FHIT: variants seen among roughly 807,000 people sequenced by gnomAD.
FHIT encodes the protein bis(5'-adenosyl)-triphosphatase.
In FHIT, 19 loss-of-function variants were observed where a neutral mutation model predicts 17.9. The observed-to-expected ratio is 1.06, with a 90% CI of 0.74 to 1.56. The LOEUF is 1.56. FHIT is among the 40% of genes most tolerant of loss of function. FHIT has a pLI of 0.00. For missense variants in FHIT, 248 were observed against 189.2 expected (o/e 1.31, Z -1.82); for synonymous variants, 81 against 69.7 (o/e 1.16, Z -0.81).
At chr3:60,153,120 TACCAAGC>T (rs983545125) in intron 5 of FHIT, among the ~76,000 whole-genome samples, 1 of 152,188 alleles carries the variant, frequency 6.6e-6, no homozygotes, top group African/African-American at 2.4e-5. Flanking sequence ...CGTTACAATT[TACCAAGC>T]ACCTTTATTT....
At chr3:59,841,996 A>T (rs4596100) in intron 8 of FHIT, among the ~76,000 whole-genome samples, 146,308 of 152,236 alleles carry the variant, frequency 0.96, 70,586 homozygotes, top group East Asian at 1. Flanking sequence ...ATTGCCACCA[A>T]CCATGTGCAG....
intron 5 of FHIT, among the ~76,000 whole-genome samples, chr3:60,263,189 G>C (rs1023645348): frequency 6.6e-6 from 1 of 151,916 alleles, no homozygotes; most frequent in African/African-American, 2.4e-5. Flanking sequence ...TAAAAAGACT[G>C]ACAATATCAA....
chr3:60,783,746 G>A (rs1700473022), intron 4 of FHIT, among the ~76,000 whole-genome samples: 1 of 152,138 alleles, frequency 6.6e-6, no homozygotes, highest in Non-Finnish European at 1.5e-5. Flanking sequence ...CATAAGGTTT[G>A]AAAACAAAGA....
intron 2 of FHIT, among the ~76,000 whole-genome samples, chr3:61,097,626 T>C (rs562788617): frequency 0.01 from 1,568 of 152,302 alleles, 21 homozygotes; most frequent in African/African-American, 0.034. Context: ...ACTTTTTGAC[T>C]TTTTAATAAT....
chr3:60,664,303 C>G (rs955366625), intron 4 of FHIT, among the ~76,000 whole-genome samples: 1 of 151,958 alleles, frequency 6.6e-6, no homozygotes, highest in Non-Finnish European at 1.5e-5. Flanking sequence ...TTGAACCAAC[C>G]TTACATACCT....
chr3:59,845,007 A>G (rs565146811), intron 8 of FHIT, among the ~76,000 whole-genome samples: 1 of 152,140 alleles, frequency 6.6e-6, no homozygotes, highest in African/African-American at 2.4e-5. Context: ...TTCATGACTT[A>G]GTCTCATAGG....
intron 8 of FHIT, among the ~76,000 whole-genome samples, chr3:59,851,374 A>T (rs1038160863): frequency 1.1e-4 from 17 of 152,238 alleles, no homozygotes; most frequent in African/African-American, 3.9e-4. Context: ...ACCTATGCTA[A>T]GTATTTCATA....
At position 59,846,403 on chromosome 3, in the gene FHIT, CTGT is replaced by C. The variant is rs142326480; in HGVS notation, c.348+75940_348+75942del. On this transcript the variant is annotated intron_variant, in intron 8 of 9. Transcript: ENST00000492590. Reference sequence around the variant, plus strand: ...TTAACAACATTATACCCTCCCCTTTCTGTTGTTGATGTCATAAAATTACATCTA... The same window carrying C: ...TTAACAACATTATACCCTCCCCTTTCTGTTGATGTCATAAAATTACATCTA... Among the ~76,000 whole-genome samples the C allele has an allele frequency of 1.2e-3, 177 of 152,228 alleles. 1 individual carries two copies. The highest frequency in any genetic ancestry group is 4.2e-3 in the African/African-American group (174 of 41,566).
chr3:60,163,706 T>C (rs1265625533), intron 5 of FHIT, among the ~76,000 whole-genome samples: 2 of 152,138 alleles, frequency 1.3e-5, no homozygotes, highest in Admixed American at 6.5e-5. Context: ...GGGTGATTCT[T>C]TGTTGTGGGG....
At chr3:60,231,635 C>T (rs1043671355) in intron 5 of FHIT, among the ~76,000 whole-genome samples, 1 of 152,172 alleles carries the variant, frequency 6.6e-6, no homozygotes, top group African/African-American at 2.4e-5. Context: ...AATAACTAAT[C>T]CTTATTGAGC....
chr3:60,893,491 A>C (rs138092070), intron 3 of FHIT, among the ~76,000 whole-genome samples: 1 of 152,288 alleles, frequency 6.6e-6, no homozygotes, highest in Admixed American at 6.5e-5. Context: ...ATATTTATTA[A>C]AGTTAGTTCC....
Position 60,980,805 on chromosome 3 carries a change from T to A in FHIT, c.-111+61242A>T, listed in dbSNP as rs141628249. ...CTGACTTCATGACTCCTTTTAATTC[T>A]GAATTTCAACCTTTCTGAGCAGTTG... On this transcript the variant is annotated intron_variant, in intron 3 of 9. Transcript: ENST00000492590. Among the ~76,000 whole-genome samples, 13 of 152,336 alleles carry A rather than the reference T, an allele frequency of 8.5e-5. No individual in the cohort carries two copies. In the East Asian group the frequency reaches 1.2e-3, roughly 14 times the overall value.
At chr3:60,587,090 A>T (rs1386405646) in intron 4 of FHIT, among the ~76,000 whole-genome samples, 1 of 151,938 alleles carries the variant, frequency 6.6e-6, no homozygotes, top group Admixed American at 6.6e-5. Context: ...AAAAGTAATC[A>T]TGGAACCAAC....
intron 5 of FHIT, among the ~76,000 whole-genome samples, chr3:60,207,027 A>C (rs1202490234): frequency 2.0e-5 from 3 of 152,176 alleles, no homozygotes; most frequent in Admixed American, 2.0e-4. Flanking sequence ...AAGTGGGATG[A>C]AAGTGATCTT....
At chr3:60,955,637 C>CATGTATAT (rs1559862582) in intron 3 of FHIT, among the ~76,000 whole-genome samples, 1 of 26,760 alleles carries the variant, frequency 3.7e-5, no homozygotes, top group Non-Finnish European at 8.4e-5. Flanking sequence ...TATATATACA[C>CATGTATAT]ACACACACAT....
chr3:60,499,744 G>C (rs1394892337), intron 5 of FHIT, among the ~76,000 whole-genome samples: 1 of 152,024 alleles, frequency 6.6e-6, no homozygotes, highest in African/African-American at 2.4e-5. Flanking sequence ...CTTTGTTCTT[G>C]TTTCCTTCTA....
At chr3:60,119,090 T>G (rs1406857992) in intron 5 of FHIT, among the ~76,000 whole-genome samples, 1 of 151,998 alleles carries the variant, frequency 6.6e-6, no homozygotes, top group Non-Finnish European at 1.5e-5. Context: ...TTTTTTATTT[T>G]TGAGACAGAG....
intron 4 of FHIT, chr3:60,553,320 A>G: frequency 1.3e-6 from 1 of 745,868 alleles, no homozygotes; most frequent in East Asian, 1.3e-4. Context: ...GTAGTTTCTA[A>G]GAAACCTACC....
chr3:59,878,327 A>G (rs1343991300), intron 8 of FHIT, among the ~76,000 whole-genome samples: 1 of 152,102 alleles, frequency 6.6e-6, no homozygotes, highest in Non-Finnish European at 1.5e-5. Context: ...CAGAAGAGAA[A>G]TTCATATTTG....
Sources: gnomAD v4.1 joint callset for allele counts (sites outside exome capture counted in the v4.1 genomes callset) on GRCh38, gnomAD v4.1.1 for gene constraint, MANE v1.5 for transcripts, NCBI Gene and HGNC (gene_info 2026-07-23, HGNC 2026-07-21) for gene names.